Variants in CDC45 observed in about 807,000 individuals in gnomAD.
CDC45 encodes the protein cell division control protein 45 homolog.
Under a neutral mutation model 77.8 loss-of-function variants are expected in CDC45, and 54 were observed. The ratio of observed to expected loss-of-function variants is 0.69; its 90% CI spans 0.56 to 0.87. The LOEUF is 0.87. Among genes scored for constraint, CDC45 ranks in the 40% least tolerant of loss-of-function variants. CDC45 has a pLI of 0.00. For synonymous variants in CDC45, 260 were observed against 272.1 expected (o/e 0.96, Z 0.44); for missense variants, 649 against 721.6 (o/e 0.90, Z 1.15).
At chr22:19,481,388 A>AT (rs1394800210) in intron 3 of CDC45, among the ~76,000 whole-genome samples, 2 of 151,028 alleles carry the variant, frequency 1.3e-5, no homozygotes, top group Non-Finnish European at 3.0e-5. Context: ...TTTATTTTTT[A>AT]TTTTTTTTGA....
intron 5 of CDC45, among the ~76,000 whole-genome samples, chr22:19,491,717 T>C (rs569049949): frequency 1.3e-5 from 2 of 152,264 alleles, no homozygotes; most frequent in East Asian, 1.9e-4. Context: ...GTTTCTCTTA[T>C]TTTTTTGAGA....
chr22:19,512,215 A>T (rs1007291400), intron 13 of CDC45, among the ~76,000 whole-genome samples: 1 of 151,748 alleles, frequency 6.6e-6, no homozygotes. Flanking sequence ...CATTACCAGG[A>T]CTCCTTGCAC....
chr22:19,518,058 T>C (rs1933897564), intron 17 of CDC45, among the ~76,000 whole-genome samples: 2 of 152,240 alleles, frequency 1.3e-5, no homozygotes, highest in African/African-American at 2.4e-5. Flanking sequence ...GCTGTGGCAC[T>C]GTGTGGCATT....
At chr22:19,515,112 G>A in intron 15 of CDC45, 64 bp downstream of exon 15, 2 of 1,442,584 alleles carry the variant, frequency 1.4e-6, no homozygotes, top group Admixed American at 4.5e-5. Context: ...CCCTGGATGG[G>A]GAGTTAGATG....
chr22:19,481,516 C>CT (rs1185327319), intron 3 of CDC45, among the ~76,000 whole-genome samples: 1 of 150,842 alleles, frequency 6.6e-6, no homozygotes, highest in Non-Finnish European at 1.5e-5. Context: ...GTAGCTGGGA[C>CT]TACAGGCACC....
At chr22:19,498,189 T>A (rs2090278433) in intron 8 of CDC45, among the ~76,000 whole-genome samples, 1 of 151,808 alleles carries the variant, frequency 6.6e-6, no homozygotes, top group Admixed American at 6.6e-5. Context: ...ATTAGCCAGG[T>A]GTCATAGTGT....
At chr22:19,494,437 CTG>C (rs2090205760) in intron 6 of CDC45, 55 bp downstream of exon 6, 2 of 1,601,200 alleles carry the variant, frequency 1.2e-6, no homozygotes, top group African/African-American at 2.7e-5. Context: ...GCCTGGGGGT[CTG>C]TGGTGCCACC....
chr22:19,487,858 G>A (rs2090095099), intron 5 of CDC45, among the ~76,000 whole-genome samples: 1 of 136,862 alleles, frequency 7.3e-6, no homozygotes, highest in African/African-American at 2.7e-5. Context: ...CCTGCAGTGA[G>A]CTGAGATCCA....
intron 10 of CDC45, 94 bp from the exon 11 acceptor site, chr22:19,507,292 A>G (rs1933246079): frequency 5.4e-6 from 8 of 1,472,116 alleles, no homozygotes; most frequent in Non-Finnish European, 7.4e-6. Flanking sequence ...CTGGTGAGAA[A>G]GGGCCCCGCC....
At chr22:19,496,092 G>A (rs534331332) in intron 7 of CDC45, 63 bp downstream of exon 7, 10 of 1,117,548 alleles carry the variant, frequency 8.9e-6, no homozygotes, top group African/African-American at 4.7e-5. Context: ...GTCCTCAAAT[G>A]TGAAGAAGAA....
rs182706029 is a variant in CDC45, at chr22:19,495,870, A to G, written c.543-111A>G. 1.3e-5 allele frequency: 10 copies of G among 784,974 alleles called. No homozygotes were observed. The African/African-American group carries it at 1.7e-4, about 13-fold the overall frequency. The allele number at this position is 784,974 out of a possible 1,614,324, so 48.6% of individuals were successfully genotyped here. ...TCAATATGTGAAAACAAATAGTACC[A>G]TGATTTAATTTGCATTTCATTGAAT... On this transcript the variant is annotated intron_variant, in intron 6 of 18. Coordinates refer to ENST00000263201, the MANE Select transcript of CDC45 (RefSeq NM_003504.5).
chr22:19,511,818 A>C (rs1336468643), intron 13 of CDC45, among the ~76,000 whole-genome samples: 1 of 152,020 alleles, frequency 6.6e-6, no homozygotes, highest in Non-Finnish European at 1.5e-5. Context: ...CATATCTAAG[A>C]AACCATTGCC....
intron 9 of CDC45, among the ~76,000 whole-genome samples, chr22:19,502,547 T>TA (rs1932937926): frequency 6.6e-6 from 1 of 152,204 alleles, no homozygotes; most frequent in South Asian, 2.1e-4. Context: ...TGCAGAACTC[T>TA]AGCCATGAGA....
intron 5 of CDC45, among the ~76,000 whole-genome samples, chr22:19,490,413 T>G (rs1390800597): frequency 6.6e-6 from 1 of 152,100 alleles, no homozygotes. Context: ...TTCGCTCTGT[T>G]GCCCAGGCTG....
chr22:19,493,580 A>G (rs975973757), intron 5 of CDC45, among the ~76,000 whole-genome samples: 2 of 152,060 alleles, frequency 1.3e-5, no homozygotes, highest in African/African-American at 2.4e-5. Context: ...AGTAGCTGGG[A>G]TTACAGGCAT....
intron 9 of CDC45, among the ~76,000 whole-genome samples, chr22:19,503,632 C>G (rs1463785935): frequency 6.6e-6 from 1 of 152,204 alleles, no homozygotes; most frequent in Admixed American, 6.5e-5. Context: ...AAACAAAAGG[C>G]CTTCCGAAAT....
At chr22:19,484,084 C>A (rs910079835) in intron 5 of CDC45, 79 bp downstream of exon 5, 10 of 1,404,328 alleles carry the variant, frequency 7.1e-6, no homozygotes, top group Non-Finnish European at 9.7e-6. Flanking sequence ...GCCTGCCAGG[C>A]CAAGGTGTAC....
At chr22:19,512,339 C>T (rs1441079722) in intron 13 of CDC45, among the ~76,000 whole-genome samples, 1 of 152,202 alleles carries the variant, frequency 6.6e-6, no homozygotes, top group Non-Finnish European at 1.5e-5. Context: ...TTTAAGTCTT[C>T]TTAGGTCTCA....
At chr22:19,503,950 T>C (rs1206276022) in intron 9 of CDC45, among the ~76,000 whole-genome samples, 1 of 152,222 alleles carries the variant, frequency 6.6e-6, no homozygotes, top group South Asian at 2.1e-4. Flanking sequence ...AAGGTTGACA[T>C]TGCCCTGTCA....
Sources: allele counts gnomAD v4.1 joint callset (sites outside exome capture counted in the v4.1 genomes callset), GRCh38; gene constraint gnomAD v4.1.1; transcripts MANE v1.5; gene names NCBI Gene and HGNC (gene_info 2026-07-23, HGNC 2026-07-21).